The following CADPS variants were observed in gnomAD, a reference collection of about 807,000 sequenced individuals.
The protein encoded by CADPS is calcium-dependent secretion activator 1.
A neutral mutation model predicts 167.3 loss-of-function variants in CADPS; 57 were observed. The ratio of observed to expected loss-of-function variants is 0.34; its 90% confidence interval spans 0.28 to 0.42. The LOEUF is 0.42. CADPS is among the 20% of genes least tolerant of loss of function. The pLI is 1.00. For missense variants in CADPS, 1,414 were observed against 1,738.1 expected (o/e 0.81, Z 3.32); for synonymous variants, 676 against 635.3 (o/e 1.06, Z -0.96).
intron 6 of CADPS, among the ~76,000 whole-genome samples, chr3:62,630,483 G>A (rs2065073289): frequency 6.6e-6 from 1 of 151,916 alleles, no homozygotes; most frequent in Non-Finnish European, 1.5e-5. Flanking sequence ...TGAGTAGCTG[G>A]GATTGCAGGC....
intron 1 of CADPS, among the ~76,000 whole-genome samples, chr3:62,861,854 A>C (rs1577505115): frequency 1.3e-5 from 2 of 152,280 alleles, no homozygotes; most frequent in East Asian, 1.9e-4. Context: ...ATATGTCCTC[A>C]AACTTGCTTT....
intron 1 of CADPS, among the ~76,000 whole-genome samples, chr3:62,773,614 C>A (rs967535461): frequency 2.0e-5 from 3 of 152,060 alleles, no homozygotes; most frequent in African/African-American, 7.2e-5. Context: ...GTACTATTTA[C>A]TTTTTGTTTT....
intron 7 of CADPS, among the ~76,000 whole-genome samples, chr3:62,591,137 C>T (rs997357933): frequency 5.3e-5 from 8 of 152,170 alleles, no homozygotes; most frequent in African/African-American, 1.9e-4. Context: ...GGGTTACAGG[C>T]GTGAGCCACC....
intron 11 of CADPS, among the ~76,000 whole-genome samples, chr3:62,546,904 G>A (rs1448503519): frequency 6.6e-6 from 1 of 152,282 alleles, no homozygotes; most frequent in East Asian, 1.9e-4. Flanking sequence ...ACTGAGGGAA[G>A]ACTGTATTCC....
chr3:62,644,984 T>C lies in CADPS; in HGVS notation c.1325+738A>G, dbSNP rs1403732560. Among the ~76,000 whole-genome samples the C allele has an allele frequency of 2.6e-5, 4 of 152,198 alleles. No homozygotes were observed. The East Asian group carries it at 7.7e-4, about 29-fold the overall frequency. Reference sequence around the variant, plus strand: ...GACTACTTTCCTTTCCACCATACAATAATACCTTGTACACACACATTTGAC... The same window carrying C: ...GACTACTTTCCTTTCCACCATACAACAATACCTTGTACACACACATTTGAC... On this transcript the variant is annotated intron_variant, in intron 6 of 29. Transcript: ENST00000383710.
chr3:62,403,224 T>C (rs773137881), intron 28 of CADPS, 39 bp from the exon 29 acceptor site: 24 of 1,396,374 alleles, frequency 1.7e-5, no homozygotes, highest in Middle Eastern at 3.5e-4. Flanking sequence ...CAACACATCA[T>C]GGAGCATTTA....
intron 6 of CADPS, among the ~76,000 whole-genome samples, chr3:62,603,356 G>T (rs1157141327): frequency 6.6e-6 from 1 of 152,230 alleles, no homozygotes; most frequent in African/African-American, 2.4e-5. Flanking sequence ...AAAATTCCAT[G>T]CTATAAACTT....
intron 9 of CADPS, among the ~76,000 whole-genome samples, chr3:62,567,961 C>T (rs1273691207): frequency 6.6e-6 from 1 of 152,146 alleles, no homozygotes; most frequent in Non-Finnish European, 1.5e-5. Flanking sequence ...TTCCCAGTAT[C>T]CATTTCTCCT....
At chr3:62,816,381 G>A (rs1445783653) in intron 1 of CADPS, among the ~76,000 whole-genome samples, 1 of 152,004 alleles carries the variant, frequency 6.6e-6, no homozygotes, top group African/African-American at 2.4e-5. Context: ...TTACAAAGGT[G>A]GGTATGTTAT....
chr3:62,520,981 A>G (rs1309296000), intron 13 of CADPS, among the ~76,000 whole-genome samples: 1 of 152,190 alleles, frequency 6.6e-6, no homozygotes, highest in East Asian at 1.9e-4. Flanking sequence ...TTCAGGTTAC[A>G]TGCTTTGGAG....
chr3:62,597,461 G>A (rs2059093767), intron 6 of CADPS, among the ~76,000 whole-genome samples: 1 of 152,188 alleles, frequency 6.6e-6, no homozygotes, highest in African/African-American at 2.4e-5. Context: ...GAAATGAGAA[G>A]CTTTAACACT....
rs1323276472 is a variant in CADPS at position 62,412,710 on chromosome 3, A to G, written c.3778-9525T>C. ...TAATGCATTTCAGCCTTCTAACCCA[A>G]GTCAGTCCTGTTGCATGGGGGAAAT... On this transcript the variant is annotated intron_variant, in intron 28 of 29. Transcript: ENST00000383710. The surrounding 1 kb of genome is among the most constrained non-coding windows in gnomAD (Gnocchi z 4.1). Among the ~76,000 whole-genome samples the G allele has an allele frequency of 6.6e-6, 1 of 152,152 alleles. No individual in the cohort carries two copies. The highest frequency in any genetic ancestry group is 1.5e-5 in the Non-Finnish European group (1 of 68,036).
At chr3:62,477,235 C>T (rs1269148701) in intron 23 of CADPS, among the ~76,000 whole-genome samples, 2 of 151,910 alleles carry the variant, frequency 1.3e-5, no homozygotes, top group Admixed American at 6.6e-5. Flanking sequence ...AACCCGGCCC[C>T]CATCACCCAC....
chr3:62,418,671 T>A (rs1467712640), intron 28 of CADPS, among the ~76,000 whole-genome samples: 1 of 151,822 alleles, frequency 6.6e-6, no homozygotes, highest in Non-Finnish European at 1.5e-5. Context: ...ACTACATGAA[T>A]GCCCTATTAA....
intron 17 of CADPS, among the ~76,000 whole-genome samples, chr3:62,506,389 A>T (rs1197459899): frequency 6.6e-6 from 1 of 152,214 alleles, no homozygotes; most frequent in Non-Finnish European, 1.5e-5. Flanking sequence ...CTCCGTCTCA[A>T]AAAACAAAAA....
At chr3:62,695,853 C>T (rs2080170677) in intron 3 of CADPS, among the ~76,000 whole-genome samples, 1 of 152,030 alleles carries the variant, frequency 6.6e-6, no homozygotes, top group Non-Finnish European at 1.5e-5. Flanking sequence ...CCAGCCTGGC[C>T]CCCAAACCTG....
At chr3:62,428,220 A>C (rs2053156809) in intron 28 of CADPS, among the ~76,000 whole-genome samples, 1 of 150,614 alleles carries the variant, frequency 6.6e-6, no homozygotes, top group Non-Finnish European at 1.5e-5. Flanking sequence ...GGAATGAATG[A>C]AGTATTTAAG....
chr3:62,414,916 T>G (rs1465355700), intron 28 of CADPS, among the ~76,000 whole-genome samples: 1 of 152,022 alleles, frequency 6.6e-6, no homozygotes, highest in East Asian at 1.9e-4. Context: ...AAGTAGCCAT[T>G]CATGGGCCTT....
chr3:62,868,993 T>C (rs1012946523), intron 1 of CADPS, among the ~76,000 whole-genome samples: 1 of 152,058 alleles, frequency 6.6e-6, no homozygotes, highest in Non-Finnish European at 1.5e-5. Context: ...TTTCAAAATA[T>C]AGGTTGAGTA....
Sources: allele counts gnomAD v4.1 joint callset (sites outside exome capture counted in the v4.1 genomes callset), GRCh38; gene constraint gnomAD v4.1.1; non-coding constraint Gnocchi (gnomAD v3.1); transcripts MANE v1.5; gene names NCBI Gene and HGNC (gene_info 2026-07-23, HGNC 2026-07-21).